PCDH7: variants seen among roughly 807,000 people sequenced by gnomAD.
The protein encoded by PCDH7 is protocadherin 7.
Under a neutral mutation model 58.9 loss-of-function variants are expected in PCDH7, and 17 were observed. That is an observed-to-expected ratio of 0.29 (90% CI 0.20 to 0.43). PCDH7 has a LOEUF of 0.43. Ranked by LOEUF, PCDH7 falls within the 20% of genes least tolerant of loss-of-function variation. The pLI is 1.00. For missense variants in PCDH7, 1,274 were observed against 1,441.0 expected (o/e 0.88, Z 1.88); for synonymous variants, 664 against 616.4 (o/e 1.08, Z -1.14).
intron 3 of PCDH7, among the ~76,000 whole-genome samples, chr4:31,023,865 A>C (rs1754216483): frequency 6.6e-6 from 1 of 152,186 alleles, no homozygotes; most frequent in Non-Finnish European, 1.5e-5. Flanking sequence ...GGAGTTGAAT[A>C]CAGAAGGAAT....
intron 3 of PCDH7, among the ~76,000 whole-genome samples, chr4:31,035,005 A>G (rs1755270736): frequency 1.3e-5 from 2 of 152,144 alleles, no homozygotes; most frequent in Admixed American, 1.3e-4. Context: ...AGACAGGGAG[A>G]TTAGGGAATA....
Position 30,729,306 on chromosome 4 carries a change from A to G in PCDH7, c.3175-1447A>G, listed in dbSNP as rs140224735. On this transcript the variant is annotated intron_variant, in intron 1 of 1. Transcript: ENST00000361762. The stretch of plus-strand genomic sequence containing the variant: ...GAAATCTGTTGAAATTTACTTACTT[A>G]TTTATGACTATATATTTGGCTATGA... Among the ~76,000 whole-genome samples, 726 of 152,096 alleles carry G rather than the reference A, an allele frequency of 4.8e-3. 6 individuals carry two copies. The highest frequency in any genetic ancestry group is 0.017 in the African/African-American group (686 of 41,544).
intron 3 of PCDH7, among the ~76,000 whole-genome samples, chr4:31,129,638 T>A (rs1430564124): frequency 1.3e-5 from 2 of 152,142 alleles, no homozygotes; most frequent in African/African-American, 4.8e-5. Context: ...GTTATTATTA[T>A]TATTATTGAG....
At chr4:30,764,964 C>T (rs890497302) in intron 1 of PCDH7, among the ~76,000 whole-genome samples, 5 of 151,878 alleles carry the variant, frequency 3.3e-5, no homozygotes, top group Admixed American at 2.0e-4. Flanking sequence ...CGTGATCTGC[C>T]CACCTTGGCC....
intron 3 of PCDH7, among the ~76,000 whole-genome samples, chr4:31,056,423 G>A (rs547159833): frequency 5.0e-4 from 52 of 103,674 alleles, no homozygotes; most frequent in African/African-American, 2.1e-3. Flanking sequence ...AAGGAAAGAA[G>A]GAAAGAAAAA....
At chr4:31,031,483 G>A (rs191462601) in intron 3 of PCDH7, among the ~76,000 whole-genome samples, 13 of 152,200 alleles carry the variant, frequency 8.5e-5, no homozygotes, top group Admixed American at 5.2e-4. Flanking sequence ...GTTTGCCTGA[G>A]GTATAGATTA....
chr4:30,923,384 T>C (rs1010046399), intron 2 of PCDH7, among the ~76,000 whole-genome samples: 21 of 152,230 alleles, frequency 1.4e-4, no homozygotes, highest in African/African-American at 4.6e-4. Flanking sequence ...GAAATGTACT[T>C]ACATTTTACA....
chr4:30,742,402 AATAGGATAGC>A (rs1560321339), intron 1 of PCDH7, among the ~76,000 whole-genome samples: 2 of 152,188 alleles, frequency 1.3e-5, no homozygotes, highest in African/African-American at 4.8e-5. Flanking sequence ...TATTGCTGTT[AATAGGATAGC>A]ATATGCACAT....
intron 1 of PCDH7, among the ~76,000 whole-genome samples, chr4:30,729,956 A>G (rs1240450914): frequency 6.6e-6 from 1 of 152,004 alleles, no homozygotes; most frequent in Non-Finnish European, 1.5e-5. Context: ...TATTAATTTT[A>G]AAAATAAAAT....
At chr4:31,113,555 G>A (rs1266263588) in intron 3 of PCDH7, among the ~76,000 whole-genome samples, 1 of 151,786 alleles carries the variant, frequency 6.6e-6, no homozygotes, top group East Asian at 1.9e-4. Flanking sequence ...TATTTTATAT[G>A]GCTTGTCCTA....
At chr4:30,779,006 T>G (rs1317578173) in intron 1 of PCDH7, among the ~76,000 whole-genome samples, 1 of 138,236 alleles carries the variant, frequency 7.2e-6, no homozygotes, top group East Asian at 2.1e-4. Flanking sequence ...TTACTCCGTT[T>G]TTTTTTTTTT....
intron 2 of PCDH7, among the ~76,000 whole-genome samples, chr4:30,920,899 A>G (rs537448824): frequency 6.6e-6 from 1 of 152,288 alleles, no homozygotes; most frequent in African/African-American, 2.4e-5. Context: ...ATAGTATGCA[A>G]TAAATGCTAT....
chr4:30,929,576 A>G (rs1456747930), intron 2 of PCDH7, among the ~76,000 whole-genome samples: 1 of 152,162 alleles, frequency 6.6e-6, no homozygotes, highest in Non-Finnish European at 1.5e-5. Context: ...AAGGAAATTA[A>G]TTTTTGATAC....
At chr4:30,903,533 T>C (rs896888001) in intron 1 of PCDH7, among the ~76,000 whole-genome samples, 5 of 152,132 alleles carry the variant, frequency 3.3e-5, no homozygotes, top group South Asian at 4.1e-4. Context: ...AATTCAGTCA[T>C]TTATAGAGCA....
At chr4:31,143,875 T>A (rs1284509755), downstream of PCDH7, 2 of 152,142 alleles carry the variant, frequency 1.3e-5, no homozygotes, top group African/African-American at 2.4e-5. Flanking sequence ...GCGCAGAAAA[T>A]GAAAACTAGT....
intron 1 of PCDH7, among the ~76,000 whole-genome samples, chr4:30,825,411 T>C (rs972631809): frequency 6.6e-6 from 1 of 152,158 alleles, no homozygotes; most frequent in African/African-American, 2.4e-5. Flanking sequence ...TTTTTTCTCC[T>C]CCCTTAGTGT....
At chr4:30,953,344 T>A (rs562124933) in intron 3 of PCDH7, among the ~76,000 whole-genome samples, 1 of 152,260 alleles carries the variant, frequency 6.6e-6, no homozygotes, top group Admixed American at 6.5e-5. Flanking sequence ...TGTCTAGATA[T>A]CTAATGTCTA....
intron 3 of PCDH7, among the ~76,000 whole-genome samples, chr4:30,992,473 G>A (rs757272274): frequency 7.2e-5 from 11 of 152,116 alleles, no homozygotes; most frequent in Admixed American, 6.5e-4. Context: ...TTGTCCCAAG[G>A]AAGAAGAAAT....
chr4:31,045,226 G>A (rs1756182328), intron 3 of PCDH7, among the ~76,000 whole-genome samples: 1 of 151,948 alleles, frequency 6.6e-6, no homozygotes, highest in South Asian at 2.1e-4. Context: ...ATCTGAAGTG[G>A]AATCTCTGAT....
Sources: gnomAD v4.1 joint callset for allele counts (sites outside exome capture counted in the v4.1 genomes callset) on GRCh38, gnomAD v4.1.1 for gene constraint, MANE v1.5 for transcripts, NCBI Gene and HGNC (gene_info 2026-07-23, HGNC 2026-07-21) for gene names.